CNTN5: variants seen among roughly 807,000 people sequenced by gnomAD.
CNTN5 encodes contactin-5.
Under a neutral mutation model 129.1 loss-of-function variants are expected in CNTN5, and 77 were observed. The ratio of observed to expected loss-of-function variants is 0.60; its 90% CI spans 0.50 to 0.72. The LOEUF (loss-of-function observed/expected upper bound fraction) is 0.72. Ranked by LOEUF, CNTN5 falls within the 30% of genes least tolerant of loss-of-function variation. The pLI, the probability that CNTN5 is intolerant of heterozygous loss-of-function variation, is 0.00. For synonymous variants in CNTN5, 509 were observed against 465.6 expected, an observed-to-expected ratio of 1.09 and a Z score of -1.20; for missense variants, 1,478 against 1,328.8, an observed-to-expected ratio of 1.11 and a Z score of -1.75.
chr11:100,121,043 G>C (rs1422587387), intron 13 of CNTN5, among the ~76,000 whole-genome samples: 1 of 151,806 alleles, frequency 6.6e-6, no homozygotes. Context: ...TGGAGAAAAA[G>C]GCATACAAAT....
rs1404218012 is a variant in CNTN5, at chr11:100,271,120, G to A, written c.2193G>A (p.Glu731=). Residue 731 remains glutamate (E), a synonymous_variant, in exon 18 of 25, where the codon GAG becomes GAA. Coordinates refer to ENST00000524871, the MANE Select transcript of CNTN5 (RefSeq NM_014361.4). ...CAGAAATCATAACAGGGGACATGGA[G>A]TCAGCCATGGCTGTGGACCTAAATC... ...TVPEIITGDM[E]SAMAVDLNPW... The A allele has an allele frequency of 6.2e-7, 1 of 1,611,314 alleles. No individual in the cohort carries two copies. Among genetic ancestry groups the A allele is most frequent in the Non-Finnish European group, 8.5e-7 (1 of 1,178,936 alleles).
At position 99,728,697 on chromosome 11, in the gene CNTN5, G is replaced by A. The variant is rs2135081418; in HGVS notation, c.56-90847G>A. Among the ~76,000 whole-genome samples, 3 of 152,290 alleles carry A rather than the reference G, an allele frequency of 2.0e-5. 1 individual carries two copies. Among genetic ancestry groups the A allele is most frequent in the Middle Eastern group, 3.4e-3 (1 of 294 alleles). ...GTAGATGAGACAGTTCACCCTAAAA[G>A]ACGGTGAGTAGTGACCATGAGTCAC... On this transcript the variant is annotated intron_variant, in intron 3 of 24. Coordinates refer to ENST00000524871, the MANE Select transcript of CNTN5 (RefSeq NM_014361.4).
chr11:100,202,701 C>A (rs1424435538), intron 15 of CNTN5, among the ~76,000 whole-genome samples: 3 of 151,604 alleles, frequency 2.0e-5, no homozygotes, highest in Non-Finnish European at 4.4e-5. Context: ...CCCTTTTTAC[C>A]CTTCTTCCCT....
chr11:99,864,057 G>T (rs1041451655), intron 6 of CNTN5, among the ~76,000 whole-genome samples: 2 of 152,210 alleles, frequency 1.3e-5, no homozygotes, highest in Admixed American at 6.5e-5. Flanking sequence ...TCCGGACTTC[G>T]CTCACGGATG....
intron 2 of CNTN5, among the ~76,000 whole-genome samples, chr11:99,345,138 CA>C (rs1449748514): frequency 1.3e-5 from 2 of 152,126 alleles, no homozygotes; most frequent in South Asian, 2.1e-4. Flanking sequence ...TCCTGTAAAG[CA>C]AGCATATAAG....
At chr11:100,287,573 C>T (rs1389400784) in intron 18 of CNTN5, among the ~76,000 whole-genome samples, 4 of 150,406 alleles carry the variant, frequency 2.7e-5, no homozygotes, top group African/African-American at 9.8e-5. Flanking sequence ...ATTTTGTCAC[C>T]ACCAGGCCTG....
At chr11:100,322,623 T>C (rs558475040) in intron 21 of CNTN5, among the ~76,000 whole-genome samples, 2 of 152,340 alleles carry the variant, frequency 1.3e-5, no homozygotes, top group South Asian at 2.1e-4. Context: ...GGGTCTGTTA[T>C]GAATAACACT....
chr11:100,035,745 GT>G (rs1206658996), intron 9 of CNTN5, among the ~76,000 whole-genome samples: 15 of 150,884 alleles, frequency 9.9e-5, no homozygotes, highest in South Asian at 2.1e-4. Context: ...TTTTTCATGT[GT>G]TTTTTGGCTG....
intron 8 of CNTN5, among the ~76,000 whole-genome samples, chr11:99,968,759 C>A (rs1951168424): frequency 7.8e-6 from 1 of 127,420 alleles, no homozygotes. Context: ...TTTTCTTTCT[C>A]TAATCTTGGT....
At chr11:99,374,873 C>T (rs1161355266) in intron 2 of CNTN5, among the ~76,000 whole-genome samples, 1 of 152,042 alleles carries the variant, frequency 6.6e-6, no homozygotes. Flanking sequence ...TGTGTTGATA[C>T]ACGGTGAAGG....
At chr11:100,354,769 C>T (rs1952487055) in intron 24 of CNTN5, among the ~76,000 whole-genome samples, 2 of 151,626 alleles carry the variant, frequency 1.3e-5, no homozygotes, top group South Asian at 2.1e-4. Flanking sequence ...TAGACATACA[C>T]AACATGATAC....
intron 13 of CNTN5, among the ~76,000 whole-genome samples, chr11:100,125,540 G>A (rs987307463): frequency 2.0e-4 from 31 of 151,932 alleles, no homozygotes; most frequent in East Asian, 1.9e-4. Flanking sequence ...ATATATGTAT[G>A]ACATTTTCCT....
At chr11:99,347,432 A>G (rs1352482265) in intron 2 of CNTN5, among the ~76,000 whole-genome samples, 1 of 152,180 alleles carries the variant, frequency 6.6e-6, no homozygotes. Context: ...TAATTAATAT[A>G]ATAACACATA....
At chr11:99,820,742 C>T (rs952341243) in intron 4 of CNTN5, among the ~76,000 whole-genome samples, 2 of 152,246 alleles carry the variant, frequency 1.3e-5, no homozygotes, top group Non-Finnish European at 1.5e-5. Flanking sequence ...CAAGGTCACA[C>T]TGCTAATAGG....
rs1313574345 is a variant in CNTN5, at chr11:99,712,685, CT to C, written c.56-106856del. 2.0e-5 allele frequency among the ~76,000 whole-genome samples: 3 copies of C among 152,090 alleles called. No homozygotes were observed. The East Asian group carries it at 5.8e-4, about 29-fold the overall frequency. On this transcript the variant is annotated intron_variant, in intron 3 of 24. Transcript: ENST00000524871. The stretch of plus-strand genomic sequence containing the variant: ...GTGTAAGGAAGGGATCTAGTTTCAG[CT>C]TTCTGCATATGGCTAGCCAGTTTCC...
chr11:99,105,156 G>A (rs1225033557), intron 1 of CNTN5, among the ~76,000 whole-genome samples: 1 of 152,168 alleles, frequency 6.6e-6, no homozygotes, highest in African/African-American at 2.4e-5. Flanking sequence ...TTAGACGTGA[G>A]TGTAGTTGTC....
chr11:99,739,105 T>C (rs1419756412), intron 3 of CNTN5, among the ~76,000 whole-genome samples: 1 of 152,180 alleles, frequency 6.6e-6, no homozygotes, highest in Non-Finnish European at 1.5e-5. Flanking sequence ...CACTTTGATT[T>C]AGACTTTGCT....
intron 1 of CNTN5, among the ~76,000 whole-genome samples, chr11:99,263,743 A>G (rs1862754058): frequency 6.6e-6 from 1 of 152,082 alleles, no homozygotes; most frequent in Non-Finnish European, 1.5e-5. Context: ...CAGCCCCACA[A>G]GTAGCTGGGA....
intron 3 of CNTN5, among the ~76,000 whole-genome samples, chr11:99,773,084 T>C (rs2407142): frequency 1.3e-5 from 2 of 152,012 alleles, no homozygotes; most frequent in African/African-American, 4.8e-5. Context: ...AAATGGAACA[T>C]TATCAGTATT....
Sources: gnomAD v4.1 joint callset for allele counts (sites outside exome capture counted in the v4.1 genomes callset) on GRCh38, gnomAD v4.1.1 for gene constraint, MANE v1.5 for transcripts, NCBI Gene and HGNC (gene_info 2026-07-23, HGNC 2026-07-21) for gene names.